Variants in OSBPL1A observed in about 807,000 individuals in gnomAD.
OSBPL1A encodes oxysterol binding protein like 1A, also known as oxysterol-binding protein-related protein 1.
OSBPL1A carries 80 observed loss-of-function variants against 137.1 expected under a neutral mutation model. The ratio of observed to expected loss-of-function variants is 0.58; its 90% confidence interval spans 0.49 to 0.70. The LOEUF is 0.70. Among genes scored for constraint, OSBPL1A ranks in the 30% least tolerant of loss-of-function variants. The pLI, the probability that OSBPL1A is intolerant of heterozygous loss-of-function variation, is 0.00. For missense variants in OSBPL1A, 970 were observed against 1,129.4 expected (o/e 0.86, Z 2.02); for synonymous variants, 365 against 389.7 (o/e 0.94, Z 0.75).
At chr18:24,215,627 T>C (rs368319052) in intron 17 of OSBPL1A, among the ~76,000 whole-genome samples, 18 of 152,176 alleles carry the variant, frequency 1.2e-4, no homozygotes, top group Middle Eastern at 3.2e-3. Flanking sequence ...CCGTGTCCCC[T>C]GAGGCGATTT....
At chr18:24,272,147 G>A (rs957548019) in intron 15 of OSBPL1A, 4 of 983,942 alleles carry the variant, frequency 4.1e-6, no homozygotes, top group Non-Finnish European at 4.8e-6. Context: ...CTGCTCCTTG[G>A]GCTCTACGTG....
Position 24,391,422 on chromosome 18 carries a change from T to G in OSBPL1A, c.-3+6233A>C, listed in dbSNP as rs1052084595. On this transcript the variant is annotated intron_variant, in intron 1 of 27. Coordinates refer to ENST00000319481, the MANE Select transcript of OSBPL1A (RefSeq NM_080597.4). ...TATGCAATGCCACTGAATAATACAC[T>G]TAACAATGGCTAAAACAGGCCAGGT... 7.2e-5 allele frequency among the ~76,000 whole-genome samples: 11 copies of G among 152,194 alleles called. No individual in the cohort carries two copies. In the East Asian group the frequency reaches 2.1e-3, roughly 29 times the overall value.
intron 16 of OSBPL1A, among the ~76,000 whole-genome samples, chr18:24,225,590 A>C (rs986297679): frequency 1.3e-5 from 2 of 152,242 alleles, no homozygotes; most frequent in African/African-American, 4.8e-5. Flanking sequence ...ATAATGAAAA[A>C]GCTGTAGTAG....
intron 18 of OSBPL1A, among the ~76,000 whole-genome samples, chr18:24,183,158 G>A (rs1480212481): frequency 1.3e-5 from 2 of 151,964 alleles, no homozygotes; most frequent in South Asian, 2.1e-4. Flanking sequence ...TTACAGGTGT[G>A]AGCCATGGCA....
intron 15 of OSBPL1A, among the ~76,000 whole-genome samples, chr18:24,266,608 C>T (rs946156663): frequency 6.6e-6 from 1 of 152,098 alleles, no homozygotes; most frequent in African/African-American, 2.4e-5. Flanking sequence ...GGAAACAGGA[C>T]GAGGTGGCTC....
intron 2 of OSBPL1A, among the ~76,000 whole-genome samples, chr18:24,375,395 G>A (rs1017469287): frequency 6.2e-5 from 9 of 146,288 alleles, no homozygotes; most frequent in Non-Finnish European, 7.5e-5. Context: ...CCCAGAACAT[G>A]AAGAGGTTTA....
At chr18:24,289,999 T>C (rs1313608376) in intron 14 of OSBPL1A, among the ~76,000 whole-genome samples, 1 of 151,840 alleles carries the variant, frequency 6.6e-6, no homozygotes, top group African/African-American at 2.4e-5. Flanking sequence ...AGTTGAAAAA[T>C]CATAAGTTGA....
chr18:24,301,913 A>G (rs569775146), intron 14 of OSBPL1A, among the ~76,000 whole-genome samples: 34 of 152,224 alleles, frequency 2.2e-4, no homozygotes, highest in Admixed American at 2.2e-3. Context: ...AGTTGACTAA[A>G]GGAAACTAAC....
At chr18:24,377,870 A>T (rs1370012105) in intron 1 of OSBPL1A, among the ~76,000 whole-genome samples, 3 of 152,272 alleles carry the variant, frequency 2.0e-5, no homozygotes, top group Non-Finnish European at 4.4e-5. Flanking sequence ...TTATGCAAAT[A>T]GTTATTACAT....
chr18:24,265,794 C>G (rs2146048492), intron 15 of OSBPL1A, among the ~76,000 whole-genome samples: 1 of 152,242 alleles, frequency 6.6e-6, no homozygotes, highest in South Asian at 2.1e-4. Context: ...TATGAGCTCC[C>G]CTCTCCCAGG....
intron 14 of OSBPL1A, among the ~76,000 whole-genome samples, chr18:24,299,578 G>T (rs2090358537): frequency 6.6e-6 from 1 of 152,126 alleles, no homozygotes; most frequent in Non-Finnish European, 1.5e-5. Flanking sequence ...GGAGGTTAAA[G>T]ACAGGACCCC....
intron 4 of OSBPL1A, among the ~76,000 whole-genome samples, chr18:24,361,666 G>A (rs1309447201): frequency 6.6e-6 from 1 of 152,152 alleles, no homozygotes; most frequent in Non-Finnish European, 1.5e-5. Flanking sequence ...CAAAAAACAA[G>A]ACATGATAAT....
At chr18:24,201,685 C>T (rs1452494752) in intron 17 of OSBPL1A, among the ~76,000 whole-genome samples, 1 of 152,040 alleles carries the variant, frequency 6.6e-6, no homozygotes, top group Admixed American at 6.5e-5. Context: ...ATCACTTGAA[C>T]CCAGGAGGCA....
At position 24,178,221 on chromosome 18, in the gene OSBPL1A, GA is replaced by G. The variant is rs749902953; in HGVS notation, c.1911-27del. The G allele has an allele frequency of 1.9e-3, 1,690 of 900,444 alleles. 2 individuals carry two copies. The highest frequency in any genetic ancestry group is 4.4e-3 in the African/African-American group (226 of 51,092). The allele number at this position is 900,444 out of a possible 1,614,324, so 55.8% of individuals were successfully genotyped here. On this transcript the variant is annotated intron_variant, in intron 20 of 27. Transcript: ENST00000319481. Reference sequence around the variant, plus strand: ...CTTAAGATTTAAAAAAAAAAAAAAAGAAAAAAAAAAGCAACATTATAATTAA... The same window carrying G: ...CTTAAGATTTAAAAAAAAAAAAAAAGAAAAAAAAAGCAACATTATAATTAA...
intron 24 of OSBPL1A, among the ~76,000 whole-genome samples, chr18:24,167,932 A>G (rs1220338182): frequency 1.3e-5 from 2 of 152,184 alleles, no homozygotes; most frequent in Non-Finnish European, 2.9e-5. Flanking sequence ...TGGGAAGCCA[A>G]CGGATACCTG....
In OSBPL1A at chr18:24,272,215, T is replaced by A. The variant is rs1250907203; in HGVS notation, c.1281+8627A>T. On this transcript the variant is annotated intron_variant, in intron 15 of 27. Coordinates refer to ENST00000319481, the MANE Select transcript of OSBPL1A (RefSeq NM_080597.4). ...AGCTGCTGTGCGCTCGGCCCTCTCC[T>A]GGAGACACCGGCCCTGGCAACTTTT... 6 of 983,058 alleles carry A rather than the reference T, an allele frequency of 6.1e-6. No individual in the cohort carries two copies. The Admixed American group carries it at 3.7e-4, about 61-fold the overall frequency. 60.9% of individuals were successfully genotyped at this position (983,058 alleles called of 1,614,324 possible).
intron 1 of OSBPL1A, among the ~76,000 whole-genome samples, chr18:24,391,560 CAA>C (rs202011253): frequency 3.6e-4 from 44 of 123,420 alleles, no homozygotes; most frequent in East Asian, 1.6e-3. Flanking sequence ...CCAGTCTCTA[CAA>C]AAAAAAAAAA....
At position 24,265,782 on chromosome 18, in the gene OSBPL1A, G is replaced by T. The variant is rs375459172; in HGVS notation, c.1281+15060C>A. 5.3e-5 allele frequency among the ~76,000 whole-genome samples: 8 copies of T among 152,172 alleles called. No individual in the cohort carries two copies. The East Asian group carries it at 1.4e-3, about 26-fold the overall frequency. ...TGTGTCCATGTCTGCAGCCTGGGTGGGTATGAGCTCCCCTCTCCCAGGGGA... is the reference window on the plus strand; with the variant it reads ...TGTGTCCATGTCTGCAGCCTGGGTGTGTATGAGCTCCCCTCTCCCAGGGGA... On this transcript the variant is annotated intron_variant, in intron 15 of 27. Coordinates refer to ENST00000319481, the MANE Select transcript of OSBPL1A (RefSeq NM_080597.4).
chr18:24,201,630 G>C (rs1209847315), intron 17 of OSBPL1A, among the ~76,000 whole-genome samples: 2 of 152,070 alleles, frequency 1.3e-5, no homozygotes, highest in African/African-American at 4.8e-5. Flanking sequence ...GAGCGTGGTG[G>C]CACATGCCTG....
Sources: allele counts gnomAD v4.1 joint callset (sites outside exome capture counted in the v4.1 genomes callset), GRCh38; gene constraint gnomAD v4.1.1; transcripts MANE v1.5; gene names NCBI Gene and HGNC (gene_info 2026-07-23, HGNC 2026-07-21).